FBXL20: variants seen among roughly 807,000 people sequenced by gnomAD.
FBXL20 encodes F-box and leucine rich repeat protein 20.
A neutral mutation model predicts 64.0 loss-of-function variants in FBXL20; 11 were observed. The observed-to-expected ratio is 0.17, with a 90% CI of 0.11 to 0.28. The LOEUF is 0.28. Ranked by LOEUF, FBXL20 falls within the 10% of genes least tolerant of loss-of-function variation. The pLI is 1.00. For synonymous variants in FBXL20, 184 were observed against 189.0 expected, an observed-to-expected ratio of 0.97 and a Z score of 0.22; for missense variants, 303 against 526.2, an observed-to-expected ratio of 0.58 and a Z score of 4.15.
At chr17:39,313,567 T>C (rs2047256675) in intron 2 of FBXL20, among the ~76,000 whole-genome samples, 1 of 151,956 alleles carries the variant, frequency 6.6e-6, no homozygotes, top group Non-Finnish European at 1.5e-5. Flanking sequence ...AATAAAAGAA[T>C]TGGTGGGGTA....
chr17:39,294,066 C>T (rs890031921), intron 6 of FBXL20, among the ~76,000 whole-genome samples: 4 of 151,866 alleles, frequency 2.6e-5, no homozygotes, highest in African/African-American at 9.7e-5. Context: ...AACTGGTCTT[C>T]TAGGTTTTGT....
rs538176401 is a variant in FBXL20 at position 39,288,713 on chromosome 17, AT to A, written c.399-3141del. On this transcript the variant is annotated intron_variant, in intron 6 of 14. Transcript: ENST00000264658. ...AGTTAATGGTATCTTTAGACGCATA[AT>A]TTTTTTTTTCCTAAGACACAGTCTT... Among the ~76,000 whole-genome samples the A allele has an allele frequency of 4.2e-3, 626 of 148,990 alleles. 5 individuals are homozygous for A. The highest frequency in any genetic ancestry group is 5.2e-3 in the Non-Finnish European group (348 of 67,102).
chr17:39,322,123 C>G (rs1373991078), intron 2 of FBXL20, among the ~76,000 whole-genome samples: 1 of 124,626 alleles, frequency 8.0e-6, no homozygotes, highest in Non-Finnish European at 1.5e-5. Flanking sequence ...GGTAGAAGTT[C>G]GTGATCAGCC....
At chr17:39,352,505 C>T (rs2047696894) in intron 1 of FBXL20, among the ~76,000 whole-genome samples, 1 of 151,656 alleles carries the variant, frequency 6.6e-6, no homozygotes, top group South Asian at 2.1e-4. Flanking sequence ...CATGGTGAAA[C>T]CCCATCTCTA....
intron 12 of FBXL20, 130 bp from the exon 13 acceptor site, chr17:39,265,583 T>G: frequency 1.8e-6 from 1 of 557,982 alleles, no homozygotes; most frequent in Non-Finnish European, 3.0e-6. Context: ...ATAAGCTCAC[T>G]GCAGCCTAAA....
At chr17:39,283,548 G>C (rs1374051647) in intron 7 of FBXL20, among the ~76,000 whole-genome samples, 1 of 151,798 alleles carries the variant, frequency 6.6e-6, no homozygotes, top group East Asian at 1.9e-4. Flanking sequence ...TGATCCTCCC[G>C]CCTCAGTCCC....
intron 5 of FBXL20, among the ~76,000 whole-genome samples, chr17:39,297,855 C>A (rs1024192670): frequency 8.6e-5 from 13 of 151,722 alleles, no homozygotes; most frequent in African/African-American, 3.1e-4. Context: ...CCTGCCTCAG[C>A]CTCCTGAGTA....
At chr17:39,325,883 G>T (rs1567880859) in intron 2 of FBXL20, among the ~76,000 whole-genome samples, 1 of 152,136 alleles carries the variant, frequency 6.6e-6, no homozygotes, top group Non-Finnish European at 1.5e-5. Context: ...GATATAGTTT[G>T]AATGTTTGTC....
At chr17:39,269,101 C>T (rs536335430) in intron 11 of FBXL20, among the ~76,000 whole-genome samples, 1 of 152,228 alleles carries the variant, frequency 6.6e-6, no homozygotes, top group Admixed American at 6.5e-5. Flanking sequence ...CCTCCAACTC[C>T]CTGGGCTCAG....
At position 39,280,620 on chromosome 17, in the gene FBXL20, C is replaced by T. The variant is rs59591861; in HGVS notation, c.696+769G>A. ...AAAATAAAGATGTACTGTTAACATT[C>T]TAGGTGCCTGAATAGTTTCAGCAAA... On this transcript the variant is annotated intron_variant, in intron 9 of 14. Coordinates refer to ENST00000264658, the MANE Select transcript of FBXL20 (RefSeq NM_032875.3). Among the ~76,000 whole-genome samples, 1,108 of 151,948 alleles carry T rather than the reference C, an allele frequency of 7.3e-3. 15 individuals are homozygous for T. Among genetic ancestry groups the T allele is most frequent in the African/African-American group, 0.026 (1,063 of 41,436 alleles).
rs1247549049 is a variant in FBXL20 at position 39,371,374 on chromosome 17, C to T, written c.43-28133G>A. ...TTTTTAAAATTCAGCTATCTTTTCT[C>T]TGGGGCCATTCTTTTTTATTGGATG... On this transcript the variant is annotated intron_variant, in intron 1 of 14. Coordinates refer to ENST00000264658, the MANE Select transcript of FBXL20 (RefSeq NM_032875.3). 3.3e-5 allele frequency among the ~76,000 whole-genome samples: 5 copies of T among 151,944 alleles called. No individual in the cohort carries two copies. The East Asian group carries it at 9.6e-4, about 29-fold the overall frequency.
chr17:39,319,103 G>T (rs1468422864), intron 2 of FBXL20, among the ~76,000 whole-genome samples: 1 of 151,760 alleles, frequency 6.6e-6, no homozygotes, highest in Non-Finnish European at 1.5e-5. Context: ...ACAAAAATTA[G>T]CTGGGCATGG....
In FBXL20 at chr17:39,319,307, G is replaced by A. The variant is rs115691752; in HGVS notation, c.105-15668C>T. The stretch of plus-strand genomic sequence containing the variant: ...AGAGAATTATTAATGTTTAAGGATA[G>A]TTTTTCAAATTTCAGATAATAGCAA... On this transcript the variant is annotated intron_variant, in intron 2 of 14. Transcript: ENST00000264658. 9.8e-3 allele frequency among the ~76,000 whole-genome samples: 1,485 copies of A among 152,096 alleles called. 32 individuals carry two copies. Among genetic ancestry groups the A allele is most frequent in the African/African-American group, 0.034 (1,403 of 41,510 alleles).
intron 1 of FBXL20, among the ~76,000 whole-genome samples, chr17:39,345,783 C>A (rs1345344331): frequency 6.6e-6 from 1 of 152,116 alleles, no homozygotes; most frequent in African/African-American, 2.4e-5. Flanking sequence ...TCAACGGATC[C>A]TCCCAACTCA....
chr17:39,370,646 T>C (rs893530973), intron 1 of FBXL20, among the ~76,000 whole-genome samples: 4 of 149,142 alleles, frequency 2.7e-5, no homozygotes, highest in South Asian at 2.1e-4. Flanking sequence ...ATACAAAAAA[T>C]TAGCCGGGCG....
intron 2 of FBXL20, among the ~76,000 whole-genome samples, chr17:39,319,851 A>G: frequency 6.6e-6 from 1 of 151,872 alleles, no homozygotes; most frequent in East Asian, 1.9e-4. Context: ...GCCTCAAGCA[A>G]TCCTCCCACG....
chr17:39,303,686 G>GT (rs1567871417), intron 2 of FBXL20, 47 bp from the exon 3 acceptor site: 10 of 1,515,630 alleles, frequency 6.6e-6, no homozygotes, highest in Non-Finnish European at 9.0e-6. Flanking sequence ...TGATAAAGTA[G>GT]TTGACCTTTA....
At chr17:39,319,214 A>G (rs1432905438) in intron 2 of FBXL20, among the ~76,000 whole-genome samples, 4 of 151,890 alleles carry the variant, frequency 2.6e-5, no homozygotes. Context: ...GCATCACTGC[A>G]CTCCAGCCTG....
In FBXL20 at chr17:39,258,638, T is replaced by G. The variant is rs1337406365; in HGVS notation, c.*2822A>C. ...ATCATGAACTGATGAATAGAGTCTT[T>G]TAAACTTATCTTTTAAGTAAAGAAG... On this transcript the variant is annotated 3_prime_UTR_variant, in exon 15 of 15. Transcript: ENST00000264658. 3 of 152,262 alleles carry G rather than the reference T, an allele frequency of 2.0e-5. No homozygotes were observed. The highest frequency in any genetic ancestry group is 1.5e-5 in the Non-Finnish European group (1 of 68,048). 9.4% of individuals were successfully genotyped at this position (152,262 alleles called of 1,614,324 possible). A position where few individuals can be genotyped will look rare whatever the true frequency, so the allele number is the denominator to read the frequency against.
Sources: allele counts gnomAD v4.1 joint callset (sites outside exome capture counted in the v4.1 genomes callset), GRCh38; gene constraint gnomAD v4.1.1; transcripts MANE v1.5; gene names NCBI Gene and HGNC (gene_info 2026-07-23, HGNC 2026-07-21).